Variants in RPTOR observed in about 807,000 individuals in gnomAD.
RPTOR encodes the protein regulatory-associated protein of mTOR.
RPTOR carries 21 observed loss-of-function variants against 169.9 expected under a neutral mutation model. That is an observed-to-expected ratio of 0.12 (90% confidence interval 0.09 to 0.18). The LOEUF (loss-of-function observed/expected upper bound fraction) is 0.18, where lower values mean the gene tolerates loss of function less well. Ranked by LOEUF, RPTOR falls within the 10% of genes least tolerant of loss-of-function variation. The pLI is 1.00. For synonymous variants in RPTOR, 732 were observed against 753.2 expected, an observed-to-expected ratio of 0.97 and a Z score of 0.46; for missense variants, 1,133 against 1,855.9, an observed-to-expected ratio of 0.61 and a Z score of 7.16.
At chr17:80,607,177 G>A (rs1050454368) in intron 1 of RPTOR, among the ~76,000 whole-genome samples, 1 of 152,088 alleles carries the variant, frequency 6.6e-6, no homozygotes, top group African/African-American at 2.4e-5. Context: ...TGCCTCAAGT[G>A]ATCTTCCTGT....
chr17:80,848,392 G>A (rs139657910), intron 11 of RPTOR, among the ~76,000 whole-genome samples: 1 of 152,230 alleles, frequency 6.6e-6, no homozygotes, highest in Non-Finnish European at 1.5e-5. Context: ...CGTTATTACT[G>A]TTCTTCCTGT....
intron 20 of RPTOR, among the ~76,000 whole-genome samples, chr17:80,904,057 G>A (rs984405094): frequency 1.8e-4 from 27 of 152,214 alleles, no homozygotes; most frequent in African/African-American, 4.8e-4. Flanking sequence ...CTGAGAAAAC[G>A]ATGCAGACGC....
intron 3 of RPTOR, among the ~76,000 whole-genome samples, chr17:80,654,369 C>A (rs963079866): frequency 2.0e-5 from 3 of 152,242 alleles, no homozygotes; most frequent in African/African-American, 7.2e-5. Flanking sequence ...GTGCTCCCCT[C>A]GGTGGGCTCT....
rs910770271 is a variant in RPTOR, at chr17:80,861,651, C to T, written c.1509+3751C>T. Among the ~76,000 whole-genome samples, 1 of 152,148 alleles carries T rather than the reference C, an allele frequency of 6.6e-6. No individual in the cohort carries two copies. Among genetic ancestry groups the T allele is most frequent in the Non-Finnish European group, 1.5e-5 (1 of 68,028 alleles). On this transcript the variant is annotated intron_variant, in intron 13 of 33. Coordinates refer to ENST00000306801, the MANE Select transcript of RPTOR (RefSeq NM_020761.3). This position sits in a 1 kb window ranked among gnomAD's most constrained non-coding sequence, Gnocchi z 4.5. ...GCACAAAACGGTGACCCTCACATGA[C>T]ACAAAGCCCAGGGTGAAGGGAGGAA...
intron 10 of RPTOR, among the ~76,000 whole-genome samples, chr17:80,846,076 C>T (rs1306037374): frequency 6.6e-6 from 1 of 152,232 alleles, no homozygotes; most frequent in African/African-American, 2.4e-5. Context: ...CCAAGCGTGT[C>T]CCCAGCCAGA....
At chr17:80,809,109 T>C (rs2067247607) in intron 7 of RPTOR, among the ~76,000 whole-genome samples, 1 of 152,278 alleles carries the variant, frequency 6.6e-6, no homozygotes, top group African/African-American at 2.4e-5. Flanking sequence ...AGTGGTTTGC[T>C]GACCTGAGTT....
chr17:80,625,136 C>T (rs554065978), intron 1 of RPTOR, among the ~76,000 whole-genome samples: 26 of 152,150 alleles, frequency 1.7e-4, no homozygotes, highest in South Asian at 6.2e-4. Context: ...AGTGTAAGTA[C>T]GAGGAATGAG....
At chr17:80,685,203 G>T (rs1313752198) in intron 3 of RPTOR, among the ~76,000 whole-genome samples, 1 of 106,084 alleles carries the variant, frequency 9.4e-6, no homozygotes, top group Non-Finnish European at 1.8e-5. Flanking sequence ...AGGGTCGCTT[G>T]TTGCGTTTTC....
rs1275176438 is a variant in RPTOR at position 80,726,087 on chromosome 17, A to AG, written c.508-4472dup. ...CCGGCCCCAAATGGCCCTGGTGCTG[A>AG]GAGGGACAGACGCCGCTCACAGAGA... On this transcript the variant is annotated intron_variant, in intron 4 of 33. Transcript: ENST00000306801. This position sits in a 1 kb window ranked among gnomAD's most constrained non-coding sequence, Gnocchi z 4.5. 1.3e-5 allele frequency among the ~76,000 whole-genome samples: 2 copies of AG among 152,160 alleles called. No individual in the cohort carries two copies. The highest frequency in any genetic ancestry group is 4.8e-5 in the African/African-American group (2 of 41,440).
At chr17:80,666,294 T>A (rs899092896) in intron 3 of RPTOR, among the ~76,000 whole-genome samples, 2 of 152,236 alleles carry the variant, frequency 1.3e-5, no homozygotes, top group African/African-American at 4.8e-5. Context: ...TTCTTCTTGC[T>A]ATGAGTTTAA....
chr17:80,749,488 G>A (rs1340970066), intron 5 of RPTOR, among the ~76,000 whole-genome samples: 50 of 126,390 alleles, frequency 4.0e-4, no homozygotes, highest in African/African-American at 1.5e-3. Context: ...GAGGGGCTGC[G>A]GTGTGTGTTT....
intron 24 of RPTOR, among the ~76,000 whole-genome samples, chr17:80,938,418 C>G (rs1356105971): frequency 6.6e-6 from 1 of 152,254 alleles, no homozygotes; most frequent in East Asian, 1.9e-4. Context: ...AAGCCCGAGT[C>G]TCATTAAAGT....
chr17:80,685,186 CT>C lies in RPTOR; in HGVS notation c.349-22654del, dbSNP rs201493590. 8.9e-3 allele frequency among the ~76,000 whole-genome samples: 1,354 copies of C among 152,122 alleles called. 20 individuals carry two copies. Among genetic ancestry groups the C allele is most frequent in the African/African-American group, 0.027 (1,124 of 41,510 alleles). On this transcript the variant is annotated intron_variant, in intron 3 of 33. Transcript: ENST00000306801. Reference sequence around the variant, plus strand: ...GGTCGCACCTCATTCGGAGTCACCCCTCATTCAGGGTCGCTTGTTGCGTTTT... The same window carrying C: ...GGTCGCACCTCATTCGGAGTCACCCCCATTCAGGGTCGCTTGTTGCGTTTT...
At chr17:80,838,967 G>A (rs772494727) in intron 10 of RPTOR, among the ~76,000 whole-genome samples, 13 of 152,342 alleles carry the variant, frequency 8.5e-5, no homozygotes, top group Non-Finnish European at 1.8e-4. Context: ...TCATGTGCAG[G>A]CACTGCCCCA....
At chr17:80,773,342 T>G (rs1279201325) in intron 6 of RPTOR, among the ~76,000 whole-genome samples, 1 of 152,254 alleles carries the variant, frequency 6.6e-6, no homozygotes, top group African/African-American at 2.4e-5. Context: ...CATCACACTC[T>G]GGTAAATAGC....
chr17:80,922,198 C>T (rs2068753569), intron 21 of RPTOR, among the ~76,000 whole-genome samples: 1 of 152,358 alleles, frequency 6.6e-6, no homozygotes, highest in South Asian at 2.1e-4. Context: ...CCTGACCCTC[C>T]GTGAATGCCA....
intron 9 of RPTOR, among the ~76,000 whole-genome samples, chr17:80,829,498 G>T (rs943777106): frequency 3.3e-5 from 5 of 152,190 alleles, no homozygotes; most frequent in Non-Finnish European, 7.3e-5. Flanking sequence ...CATTCTGCGA[G>T]CCCAACCAGA....
At chr17:80,830,731 G>A (rs2067494597) in intron 9 of RPTOR, among the ~76,000 whole-genome samples, 1 of 151,978 alleles carries the variant, frequency 6.6e-6, no homozygotes, top group African/African-American at 2.4e-5. Flanking sequence ...GGCTTCCCAT[G>A]ATGGGGAGCA....
chr17:80,814,114 C>A (rs747558322), intron 7 of RPTOR, among the ~76,000 whole-genome samples: 5 of 152,120 alleles, frequency 3.3e-5, no homozygotes, highest in Admixed American at 6.5e-5. Flanking sequence ...GCACTTCAAC[C>A]TGTGTGACAG....
Sources: allele counts gnomAD v4.1 joint callset (sites outside exome capture counted in the v4.1 genomes callset), GRCh38; gene constraint gnomAD v4.1.1; non-coding constraint Gnocchi (gnomAD v3.1); transcripts MANE v1.5; gene names NCBI Gene and HGNC (gene_info 2026-07-23, HGNC 2026-07-21).